LCLAT1: variants seen among roughly 807,000 people sequenced by gnomAD.
LCLAT1 encodes lysocardiolipin acyltransferase 1.
A neutral mutation model predicts 30.7 loss-of-function variants in LCLAT1; 11 were observed. The ratio of observed to expected loss-of-function variants is 0.36; its 90% CI spans 0.23 to 0.59. The LOEUF (loss-of-function observed/expected upper bound fraction) is 0.59. Ranked by LOEUF, LCLAT1 falls within the 20% of genes least tolerant of loss-of-function variation. The pLI is 0.77. For missense variants in LCLAT1, 402 were observed against 458.6 expected (o/e 0.88, Z 1.13); for synonymous variants, 155 against 151.3 (o/e 1.02, Z -0.18).
At chr2:30,488,831 A>G (rs899517491) in intron 1 of LCLAT1, among the ~76,000 whole-genome samples, 3 of 152,222 alleles carry the variant, frequency 2.0e-5, no homozygotes, top group African/African-American at 2.4e-5. Context: ...TCTGTTTCCA[A>G]TATCATTACT....
At chr2:30,517,754 A>G (rs1429419392) in intron 1 of LCLAT1, among the ~76,000 whole-genome samples, 1 of 152,202 alleles carries the variant, frequency 6.6e-6, no homozygotes, top group African/African-American at 2.4e-5. Context: ...AGGGAGTCAG[A>G]GAGAGACAGA....
intron 5 of LCLAT1, among the ~76,000 whole-genome samples, chr2:30,623,199 G>A (rs186251241): frequency 2.7e-4 from 41 of 151,854 alleles, no homozygotes; most frequent in Middle Eastern, 3.4e-3. Context: ...GACTACAGGC[G>A]CCTGTCACCA....
intron 1 of LCLAT1, among the ~76,000 whole-genome samples, chr2:30,498,324 C>G (rs1684214268): frequency 6.6e-6 from 1 of 152,170 alleles, no homozygotes; most frequent in African/African-American, 2.4e-5. Context: ...GGCCCAGGAC[C>G]TTGGCCTGGG....
chr2:30,573,407 A>G (rs931894098), intron 5 of LCLAT1, among the ~76,000 whole-genome samples: 4 of 152,202 alleles, frequency 2.6e-5, no homozygotes, highest in African/African-American at 9.7e-5. Context: ...TGAGGGTGGC[A>G]TCACACTGAG....
intron 1 of LCLAT1, among the ~76,000 whole-genome samples, chr2:30,503,205 G>A (rs1684483413): frequency 6.6e-6 from 1 of 152,166 alleles, no homozygotes; most frequent in South Asian, 2.1e-4. Context: ...AATGGGGGCA[G>A]CTAGGGATTG....
intron 5 of LCLAT1, among the ~76,000 whole-genome samples, chr2:30,615,450 A>C (rs963159753): frequency 2.6e-5 from 4 of 152,148 alleles, no homozygotes; most frequent in African/African-American, 9.7e-5. Flanking sequence ...GAGAAAAGCA[A>C]AGTCATGAAG....
At chr2:30,609,279 C>G (rs972716825) in intron 5 of LCLAT1, among the ~76,000 whole-genome samples, 6 of 151,726 alleles carry the variant, frequency 4.0e-5, no homozygotes, top group Non-Finnish European at 8.8e-5. Context: ...ATCTTACGAC[C>G]TATGCTCTTG....
intron 1 of LCLAT1, among the ~76,000 whole-genome samples, chr2:30,503,366 A>G (rs1222944244): frequency 1.3e-5 from 2 of 152,058 alleles, no homozygotes; most frequent in East Asian, 3.8e-4. Flanking sequence ...TTTTGTGTGG[A>G]CATATGTTTT....
intron 1 of LCLAT1, among the ~76,000 whole-genome samples, chr2:30,475,645 T>C (rs1348723787): frequency 6.6e-6 from 1 of 152,222 alleles, no homozygotes; most frequent in Non-Finnish European, 1.5e-5. Flanking sequence ...GCCTGTTTTA[T>C]ACAACTCAGC....
At chr2:30,632,177 A>G (rs943254322) in intron 5 of LCLAT1, among the ~76,000 whole-genome samples, 9 of 152,260 alleles carry the variant, frequency 5.9e-5, no homozygotes, top group Admixed American at 2.0e-4. Context: ...GTTCACAAGT[A>G]TACCATTTTT....
chr2:30,640,448 T>G lies in LCLAT1; in HGVS notation c.960T>G (p.Pro320=). The G allele has an allele frequency of 1.2e-6, 2 of 1,614,218 alleles. No individual in the cohort carries two copies. Among genetic ancestry groups the G allele is most frequent in the Non-Finnish European group, 1.7e-6 (2 of 1,180,018 alleles). The change falls in exon 6 of 6, where the codon CCT becomes CCG. Residue 320 remains proline (P), a synonymous_variant. Coordinates refer to ENST00000379509, the MANE Select transcript of LCLAT1 (RefSeq NM_001002257.3). ...TACTGTATTGGACCCTGTTCAGCCCTGCAATGTGCCTACTCATATATTTGT... is the reference window on the plus strand; with the variant it reads ...TACTGTATTGGACCCTGTTCAGCCCGGCAATGTGCCTACTCATATATTTGT... ...LSILYWTLFS[P]AMCLLIYLYS...
At chr2:30,537,249 C>T (rs941825155) in intron 3 of LCLAT1, among the ~76,000 whole-genome samples, 38 of 152,098 alleles carry the variant, frequency 2.5e-4, no homozygotes, top group Admixed American at 1.1e-3. Flanking sequence ...GGCGCGGTGG[C>T]GGGCGCCTAT....
At chr2:30,556,336 G>A (rs1240521967) in intron 3 of LCLAT1, among the ~76,000 whole-genome samples, 2 of 152,066 alleles carry the variant, frequency 1.3e-5, no homozygotes, top group Non-Finnish European at 2.9e-5. Flanking sequence ...ACAAAGACAG[G>A]CAGCAGAGTG....
At chr2:30,505,221 A>G (rs1021114844) in intron 1 of LCLAT1, among the ~76,000 whole-genome samples, 1 of 152,138 alleles carries the variant, frequency 6.6e-6, no homozygotes, top group African/African-American at 2.4e-5. Context: ...CAGAATAGCA[A>G]TACCTACTTA....
chr2:30,479,642 TATTGGGAAGGG>T, intron 1 of LCLAT1, among the ~76,000 whole-genome samples: 1 of 152,248 alleles, frequency 6.6e-6, no homozygotes, highest in Admixed American at 6.5e-5. Flanking sequence ...AGTAGTTAAT[TATTGGGAAGGG>T]ACATGCATGA....
intron 2 of LCLAT1, among the ~76,000 whole-genome samples, chr2:30,526,100 G>T (rs1685705978): frequency 6.6e-6 from 1 of 152,150 alleles, no homozygotes; most frequent in Admixed American, 6.5e-5. Flanking sequence ...GTGGAGGGCT[G>T]CATGTATTTT....
chr2:30,565,966 G>A (rs570851915), intron 4 of LCLAT1, among the ~76,000 whole-genome samples: 50 of 152,316 alleles, frequency 3.3e-4, no homozygotes, highest in Non-Finnish European at 3.5e-4. Context: ...CCTGAGGTGG[G>A]AACATGCCCA....
chr2:30,619,041 A>C (rs1251464077), intron 5 of LCLAT1, among the ~76,000 whole-genome samples: 1 of 152,188 alleles, frequency 6.6e-6, no homozygotes, highest in Non-Finnish European at 1.5e-5. Context: ...TATTTTAGAC[A>C]TGAGGAATTT....
intron 3 of LCLAT1, among the ~76,000 whole-genome samples, chr2:30,559,335 G>C (rs1416131626): frequency 1.3e-5 from 2 of 152,122 alleles, no homozygotes; most frequent in Non-Finnish European, 2.9e-5. Context: ...ACACTTCACT[G>C]TAAGTTATAC....
Sources: allele counts gnomAD v4.1 joint callset (sites outside exome capture counted in the v4.1 genomes callset), GRCh38; gene constraint gnomAD v4.1.1; transcripts MANE v1.5; gene names NCBI Gene and HGNC (gene_info 2026-07-23, HGNC 2026-07-21).